The following KLHL32 variants were observed in gnomAD, a reference collection of about 807,000 sequenced individuals.
The protein encoded by KLHL32 is kelch-like protein 32.
Under a neutral mutation model 64.8 loss-of-function variants are expected in KLHL32, and 35 were observed. That is an observed-to-expected ratio of 0.54 (90% CI 0.41 to 0.72). KLHL32 has a LOEUF of 0.72. KLHL32 is among the 30% of genes least tolerant of loss of function. The pLI is 0.00. For missense variants in KLHL32, 589 were observed against 768.5 expected, an observed-to-expected ratio of 0.77 and a Z score of 2.76; for synonymous variants, 259 against 281.0, an observed-to-expected ratio of 0.92 and a Z score of 0.78.
chr6:96,918,991 G>A, the KLHL32 span, among the ~76,000 whole-genome samples: 1 of 152,036 alleles, frequency 6.6e-6, no homozygotes, highest in Non-Finnish European at 1.5e-5. Context: ...TCTTCCTTGG[G>A]GGAAGTCCTC....
chr6:97,092,905 A>G (rs751774354), intron 6 of KLHL32, among the ~76,000 whole-genome samples: 2 of 152,362 alleles, frequency 1.3e-5, no homozygotes, highest in Middle Eastern at 3.4e-3. Context: ...CAGAAATTAC[A>G]GGAGACCCAA....
intron 5 of KLHL32, 89 bp from the exon 6 acceptor site, chr6:97,085,037 C>A: frequency 9.1e-7 from 1 of 1,102,364 alleles, no homozygotes; most frequent in Non-Finnish European, 1.4e-6. Context: ...GTGATGAAAA[C>A]CTTAGTGAGT....
At chr6:97,045,992 A>G (rs1025516474) in intron 4 of KLHL32, among the ~76,000 whole-genome samples, 5 of 152,220 alleles carry the variant, frequency 3.3e-5, no homozygotes, top group African/African-American at 1.2e-4. Context: ...AGAAAGAAAG[A>G]AAAGCAAGTC....
intron 3 of KLHL32, among the ~76,000 whole-genome samples, chr6:96,977,792 T>A (rs187441391): frequency 6.6e-6 from 1 of 152,326 alleles, no homozygotes; most frequent in East Asian, 1.9e-4. Flanking sequence ...GTATTAAATG[T>A]GATGAAACTG....
At chr6:97,070,943 T>C (rs1038295086) in intron 5 of KLHL32, among the ~76,000 whole-genome samples, 1 of 152,188 alleles carries the variant, frequency 6.6e-6, no homozygotes, top group Non-Finnish European at 1.5e-5. Flanking sequence ...ATATTTCTAG[T>C]CATGGTGAAA....
chr6:97,110,058 C>T (rs954119662), intron 6 of KLHL32, among the ~76,000 whole-genome samples: 8 of 152,200 alleles, frequency 5.3e-5, no homozygotes, highest in African/African-American at 7.2e-5. Context: ...ATTGGAACCC[C>T]GTGTCTTGAA....
intron 6 of KLHL32, among the ~76,000 whole-genome samples, chr6:97,096,465 C>T (rs1023559416): frequency 2.0e-5 from 3 of 152,226 alleles, no homozygotes; most frequent in South Asian, 4.1e-4. Flanking sequence ...ATATTCCATT[C>T]ATCACTAAAC....
intron 7 of KLHL32, among the ~76,000 whole-genome samples, chr6:97,121,969 T>G (rs1459296162): frequency 6.6e-6 from 1 of 152,186 alleles, no homozygotes; most frequent in Non-Finnish European, 1.5e-5. Context: ...AGTTTGACCC[T>G]GCTGGGAATG....
intron 5 of KLHL32, among the ~76,000 whole-genome samples, chr6:97,082,593 G>A (rs751625788): frequency 6.7e-4 from 98 of 147,086 alleles, no homozygotes; most frequent in Middle Eastern, 3.6e-3. Flanking sequence ...AGCCTTGGGC[G>A]ACAGAGCAAG....
At chr6:96,910,072 G>T in the KLHL32 span, among the ~76,000 whole-genome samples, 3,833 of 152,248 alleles carry the variant, frequency 0.025, 73 homozygotes, top group Non-Finnish European at 0.034. Flanking sequence ...CTATTATGAG[G>T]TGTTGCTTTC....
chr6:97,060,030 G>T (rs1295488070), intron 4 of KLHL32, among the ~76,000 whole-genome samples: 1 of 152,158 alleles, frequency 6.6e-6, no homozygotes, highest in Non-Finnish European at 1.5e-5. Context: ...AAAGCGTGTT[G>T]TTCATGTGCA....
intron 6 of KLHL32, among the ~76,000 whole-genome samples, chr6:97,100,185 G>T (rs1371882638): frequency 6.6e-6 from 1 of 152,028 alleles, no homozygotes; most frequent in African/African-American, 2.4e-5. Flanking sequence ...TGTGTGTACT[G>T]TACTCACAGG....
At chr6:97,096,393 C>T (rs1236477320) in intron 6 of KLHL32, among the ~76,000 whole-genome samples, 1 of 152,192 alleles carries the variant, frequency 6.6e-6, no homozygotes, top group East Asian at 1.9e-4. Context: ...ACCATTGGCT[C>T]GTTGGTCTCA....
In KLHL32 at chr6:97,059,428, T is replaced by G. The variant is rs1788519896; in HGVS notation, c.313-5200T>G. On this transcript the variant is annotated intron_variant, in intron 4 of 10. Transcript: ENST00000369261. Reference sequence around the variant, plus strand: ...TTGAATTCTCTGATTCATAGAGAACTACTGAATTCTAGCCAGTATTGCTCA... The same window carrying G: ...TTGAATTCTCTGATTCATAGAGAACGACTGAATTCTAGCCAGTATTGCTCA... Among the ~76,000 whole-genome samples the G allele has an allele frequency of 4.6e-5, 7 of 152,214 alleles. 1 individual carries two copies. The highest frequency in any genetic ancestry group is 4.6e-4 in the Admixed American group (7 of 15,282).
At chr6:97,054,738 A>G (rs1787519584) in intron 4 of KLHL32, among the ~76,000 whole-genome samples, 1 of 152,214 alleles carries the variant, frequency 6.6e-6, no homozygotes, top group East Asian at 1.9e-4. Flanking sequence ...CTTAAAAACT[A>G]ATGATAGCCA....
chr6:97,027,917 G>A (rs1220573014), intron 3 of KLHL32, among the ~76,000 whole-genome samples: 1 of 152,188 alleles, frequency 6.6e-6, no homozygotes, highest in Non-Finnish European at 1.5e-5. Context: ...CTATTAAGCA[G>A]AAAAGAGAGT....
chr6:97,085,365 TTTTG>T, intron 6 of KLHL32, 24 bp downstream of exon 6: 3 of 1,596,950 alleles, frequency 1.9e-6, no homozygotes, highest in Non-Finnish European at 1.7e-6. Context: ...GCACGGTCGC[TTTTG>T]GCACTGAAAA....
chr6:97,012,182 C>T (rs1280604817), intron 3 of KLHL32, among the ~76,000 whole-genome samples: 2 of 152,098 alleles, frequency 1.3e-5, no homozygotes, highest in East Asian at 3.9e-4. Flanking sequence ...AAATAATAGA[C>T]CCCCTGGCCA....
intron 5 of KLHL32, among the ~76,000 whole-genome samples, chr6:97,080,435 C>G (rs1241842972): frequency 2.0e-5 from 3 of 152,190 alleles, no homozygotes; most frequent in Admixed American, 2.0e-4. Context: ...AGCATCTGCT[C>G]CCTACTGGAT....
Sources: gnomAD v4.1 joint callset for allele counts (sites outside exome capture counted in the v4.1 genomes callset) on GRCh38, gnomAD v4.1.1 for gene constraint, MANE v1.5 for transcripts, NCBI Gene and HGNC (gene_info 2026-07-23, HGNC 2026-07-21) for gene names.